Variants in NR5A2 observed in about 807,000 individuals in gnomAD.
NR5A2 encodes nuclear receptor subfamily 5 group A member 2, also known as CYP7A promoter-binding factor.
Under a neutral mutation model 62.7 loss-of-function variants are expected in NR5A2, and 26 were observed. That is an observed-to-expected ratio of 0.41 (90% confidence interval 0.30 to 0.58). The LOEUF is 0.58. Among genes scored for constraint, NR5A2 ranks in the 20% least tolerant of loss-of-function variants. NR5A2 has a pLI of 0.22. For missense variants in NR5A2, 541 were observed against 669.1 expected (o/e 0.81, Z 2.11); for synonymous variants, 246 against 241.7 (o/e 1.02, Z -0.16).
At chr1:200,124,920 A>G (rs528305456) in intron 7 of NR5A2, among the ~76,000 whole-genome samples, 40 of 152,342 alleles carry the variant, frequency 2.6e-4, no homozygotes, top group Non-Finnish European at 4.7e-4. Context: ...AAAAAATAAA[A>G]ATAAACAAAT....
chr1:200,146,961 CTTT>C (rs34977677), intron 7 of NR5A2, among the ~76,000 whole-genome samples: 2 of 146,956 alleles, frequency 1.4e-5, no homozygotes, highest in Non-Finnish European at 3.0e-5. Flanking sequence ...TCCTTGTATC[CTTT>C]TTTTTTTTTC....
intron 7 of NR5A2, among the ~76,000 whole-genome samples, chr1:200,148,675 T>C (rs1292989776): frequency 6.6e-6 from 1 of 152,208 alleles, no homozygotes; most frequent in African/African-American, 2.4e-5. Context: ...AATAAAAATC[T>C]CCCTGGTAAA....
At chr1:200,105,934 A>C (rs1397324800) in intron 5 of NR5A2, among the ~76,000 whole-genome samples, 3 of 152,164 alleles carry the variant, frequency 2.0e-5, no homozygotes, top group African/African-American at 7.2e-5. Context: ...AGGAAAGTAA[A>C]ATAACAGCTC....
At chr1:200,031,824 C>T (rs539933875) in intron 1 of NR5A2, among the ~76,000 whole-genome samples, 3 of 152,214 alleles carry the variant, frequency 2.0e-5, no homozygotes, top group African/African-American at 4.8e-5. Flanking sequence ...AGGTGATCCA[C>T]CCACCTCAGC....
chr1:200,041,682 C>T (rs1571701884), intron 2 of NR5A2, among the ~76,000 whole-genome samples: 1 of 152,174 alleles, frequency 6.6e-6, no homozygotes, highest in Admixed American at 6.5e-5. Flanking sequence ...CCGATGAGTT[C>T]GCCTCCCCAA....
chr1:200,038,497 C>T (rs746138845), intron 1 of NR5A2, among the ~76,000 whole-genome samples: 3 of 152,228 alleles, frequency 2.0e-5, no homozygotes, highest in South Asian at 2.1e-4. Context: ...CCACGTGTCG[C>T]CTCTTCAGGG....
At chr1:200,165,215 G>T (rs181946643) in intron 7 of NR5A2, among the ~76,000 whole-genome samples, 7 of 152,096 alleles carry the variant, frequency 4.6e-5, no homozygotes, top group Admixed American at 4.6e-4. Context: ...TTGAGCAAAA[G>T]GTACAGAGAC....
rs1665087277 is a variant in NR5A2, at chr1:200,096,140, C to T, written c.1111-15062C>T. Among the ~76,000 whole-genome samples, 3 of 152,128 alleles carry T rather than the reference C, an allele frequency of 2.0e-5. No individual in the cohort carries two copies. In the South Asian group the frequency reaches 6.2e-4, roughly 32 times the overall value. On this transcript the variant is annotated intron_variant, in intron 5 of 7. Coordinates refer to ENST00000367362, the MANE Select transcript of NR5A2 (RefSeq NM_205860.3). Reference sequence around the variant, plus strand: ...TTTGAGGTGGAGTCTGTCACCCAGGCTGGAGTGCACTATCTTAGCTCATGG... The same window carrying T: ...TTTGAGGTGGAGTCTGTCACCCAGGTTGGAGTGCACTATCTTAGCTCATGG...
chr1:200,045,510 T>C lies in NR5A2; in HGVS notation c.389T>C (p.Ile130Thr). The C allele has an allele frequency of 6.2e-7, 1 of 1,613,408 alleles. No individual in the cohort carries two copies. The highest frequency in any genetic ancestry group is 1.1e-5 in the South Asian group (1 of 91,010). The change falls in exon 4 of 8, where the codon ATT (isoleucine) becomes ACT (threonine). Residue 130 changes from isoleucine to threonine, a missense_variant. Ile to Thr is a moderately conservative substitution (Grantham distance 89, BLOSUM62 -1). Coordinates refer to ENST00000367362, the MANE Select transcript of NR5A2 (RefSeq NM_205860.3). ...TGTATAGAAAACCAGAACTGCCAAA[T>C]TGACAAAACACAGAGAAAGCGTTGT... ...YTCIENQNCQIDKTQRKRCPY... is the reference protein window; with the variant it reads ...YTCIENQNCQTDKTQRKRCPY...
At chr1:200,080,296 A>G (rs1286839153) in intron 5 of NR5A2, among the ~76,000 whole-genome samples, 1 of 152,182 alleles carries the variant, frequency 6.6e-6, no homozygotes, top group Non-Finnish European at 1.5e-5. Context: ...AAGTTGTACT[A>G]TAGAGTCTAA....
At chr1:200,092,767 G>A (rs1664876661) in intron 5 of NR5A2, among the ~76,000 whole-genome samples, 2 of 150,162 alleles carry the variant, frequency 1.3e-5, no homozygotes, top group Admixed American at 6.6e-5. Flanking sequence ...TTTTTCTTCT[G>A]TAGTTTTTAT....
chr1:200,033,488 G>A (rs1245477242), intron 1 of NR5A2, among the ~76,000 whole-genome samples: 2 of 152,076 alleles, frequency 1.3e-5, no homozygotes, highest in Non-Finnish European at 1.5e-5. Context: ...CATTTTTCAC[G>A]GTAAGTGCTG....
intron 7 of NR5A2, among the ~76,000 whole-genome samples, chr1:200,152,607 T>C (rs1468076805): frequency 6.6e-6 from 1 of 152,128 alleles, no homozygotes; most frequent in Non-Finnish European, 1.5e-5. Context: ...TTTGAACAAG[T>C]GGTTTGATTT....
rs149770271 is a variant in NR5A2, at chr1:200,166,668, C to A, written c.1379-7295C>A. Among the ~76,000 whole-genome samples the A allele has an allele frequency of 6.0e-3, 915 of 152,268 alleles. 4 individuals are homozygous for A. Among genetic ancestry groups the A allele is most frequent in the Non-Finnish European group, 9.3e-3 (632 of 68,022 alleles). On this transcript the variant is annotated intron_variant, in intron 7 of 7. Transcript: ENST00000367362. ...TAATGAGCCCTGCAGGGTTCAGATT[C>A]CTGCTCCGCCCGAGGGAAGTCTCAT...
rs930823816 is a variant in NR5A2, at chr1:200,176,280, T to C, written c.*2070T>C. Reference sequence around the variant, plus strand: ...CCAAAGATATTAGTTATTACTTCTGTGTGTACAAAGAGGATTATTTTATTA... The same window carrying C: ...CCAAAGATATTAGTTATTACTTCTGCGTGTACAAAGAGGATTATTTTATTA... On this transcript the variant is annotated 3_prime_UTR_variant, in exon 8 of 8. Transcript: ENST00000367362. 3 of 152,646 alleles carry C rather than the reference T, an allele frequency of 2.0e-5. No individual in the cohort carries two copies. Among genetic ancestry groups the C allele is most frequent in the Non-Finnish European group, 2.9e-5 (2 of 68,044 alleles). The allele number at this position is 152,646 out of a possible 1,614,324, so 9.5% of individuals were successfully genotyped here. A position where few individuals can be genotyped will look rare whatever the true frequency, so the allele number is the denominator to read the frequency against.
Position 200,175,401 on chromosome 1 carries a change from T to C in NR5A2, c.*1191T>C, listed in dbSNP as rs1654371630. The C allele has an allele frequency of 6.6e-6, 1 of 152,570 alleles. No homozygotes were observed. Among genetic ancestry groups the C allele is most frequent in the South Asian group, 2.1e-4 (1 of 4,828 alleles). 9.5% of individuals were successfully genotyped at this position (152,570 alleles called of 1,614,324 possible). A position where few individuals can be genotyped will look rare whatever the true frequency, so the allele number is the denominator to read the frequency against. ...TTCCCCAAAGGGGAAAGGAAGAGAG[T>C]GATACTGACCTTTTTAAGTCATAGA... On this transcript the variant is annotated 3_prime_UTR_variant, in exon 8 of 8. Transcript: ENST00000367362.
At chr1:200,104,764 G>A (rs746042075) in intron 5 of NR5A2, among the ~76,000 whole-genome samples, 14 of 152,202 alleles carry the variant, frequency 9.2e-5, no homozygotes, top group Non-Finnish European at 1.6e-4. Flanking sequence ...CCGGGTTCAA[G>A]CAATTCTCCT....
rs184667804 is a variant in NR5A2 at position 200,110,820 on chromosome 1, A to G, written c.1111-382A>G. Among the ~76,000 whole-genome samples the G allele has an allele frequency of 3.3e-3, 505 of 152,268 alleles. 2 individuals are homozygous for G. Among genetic ancestry groups the G allele is most frequent in the African/African-American group, 0.012 (481 of 41,556 alleles). On this transcript the variant is annotated intron_variant, in intron 5 of 7. Coordinates refer to ENST00000367362, the MANE Select transcript of NR5A2 (RefSeq NM_205860.3). ...TTTAATGTACTGTATTCACTTTTAG[A>G]TACATAAGCATAGGCAATCTGGGGT...
chr1:200,176,849 C>G lies in NR5A2; in HGVS notation c.*2639C>G, dbSNP rs1241294834. 1 of 152,050 alleles carries G rather than the reference C, an allele frequency of 6.6e-6. No homozygotes were observed. Among genetic ancestry groups the G allele is most frequent in the African/African-American group, 2.4e-5 (1 of 41,386 alleles). 9.4% of individuals were successfully genotyped at this position (152,050 alleles called of 1,614,324 possible). On this transcript the variant is annotated 3_prime_UTR_variant, in exon 8 of 8. Transcript: ENST00000367362. ...GTTCTCTTATTTTAAAGATACAGTGCTCCCCACTGAAAATTAAACCTAAAA... is the reference window on the plus strand; with the variant it reads ...GTTCTCTTATTTTAAAGATACAGTGGTCCCCACTGAAAATTAAACCTAAAA...
Sources: allele counts gnomAD v4.1 joint callset (sites outside exome capture counted in the v4.1 genomes callset), GRCh38; gene constraint gnomAD v4.1.1; transcripts MANE v1.5; gene names NCBI Gene and HGNC (gene_info 2026-07-23, HGNC 2026-07-21).